TCERG1L: variants seen among roughly 807,000 people sequenced by gnomAD.
TCERG1L encodes the protein transcription elongation regulator 1-like protein.
TCERG1L carries 37 observed loss-of-function variants against 56.3 expected under a neutral mutation model. That is an observed-to-expected ratio of 0.66 (90% CI 0.51 to 0.87). The LOEUF (loss-of-function observed/expected upper bound fraction) is 0.87. Among genes scored for constraint, TCERG1L ranks in the 40% least tolerant of loss-of-function variants. The probability of loss-of-function intolerance (pLI) is 0.00; values close to 1 mark genes in which losing one functional copy is unlikely to be tolerated. For missense variants in TCERG1L, 799 were observed against 774.2 expected, an observed-to-expected ratio of 1.03 and a Z score of -0.38; for synonymous variants, 324 against 326.3, an observed-to-expected ratio of 0.99 and a Z score of 0.08.
intron 10 of TCERG1L, among the ~76,000 whole-genome samples, chr10:131,102,004 T>C (rs994049738): frequency 4.6e-5 from 7 of 152,310 alleles, no homozygotes; most frequent in Non-Finnish European, 1.0e-4. Context: ...GCCCAGCCCA[T>C]AGCTGAAATT....
At chr10:131,124,553 A>T (rs2133395964) in intron 8 of TCERG1L, among the ~76,000 whole-genome samples, 1 of 152,322 alleles carries the variant, frequency 6.6e-6, no homozygotes, top group Middle Eastern at 3.4e-3. Context: ...ACTTTTTGCA[A>T]GTGTGCTACG....
chr10:131,119,855 G>C (rs7089426), intron 8 of TCERG1L, among the ~76,000 whole-genome samples: 20,578 of 152,260 alleles, frequency 0.14, 1,763 homozygotes, highest in East Asian at 0.37. Context: ...GAGCCAGGGA[G>C]GTAGCCTTAC....
chr10:131,217,612 C>G (rs1377771733), intron 4 of TCERG1L, among the ~76,000 whole-genome samples: 2 of 151,838 alleles, frequency 1.3e-5, no homozygotes, highest in Non-Finnish European at 2.9e-5. Context: ...TGCCCAGAAA[C>G]CAGGACGGTG....
intron 3 of TCERG1L, among the ~76,000 whole-genome samples, chr10:131,295,956 AT>A (rs200390187): frequency 9.9e-4 from 149 of 150,252 alleles, no homozygotes; most frequent in South Asian, 3.6e-3. Flanking sequence ...TTTCTGTTGG[AT>A]TTTTTTTTCT....
intron 6 of TCERG1L, among the ~76,000 whole-genome samples, chr10:131,154,011 A>G (rs897894503): frequency 7.2e-5 from 11 of 152,134 alleles, no homozygotes; most frequent in African/African-American, 2.7e-4. Context: ...GTTGGCTTCC[A>G]CTGGACGGGG....
chr10:131,257,962 C>G lies in TCERG1L; in HGVS notation c.856+2297G>C, dbSNP rs562676590. On this transcript the variant is annotated intron_variant, in intron 4 of 11. Transcript: ENST00000368642. ...TCTGTAGATAAATTAAAGGTCACAT[C>G]CTTTTATAAAATCAGTTTGAATATA... Among the ~76,000 whole-genome samples, 64 of 152,344 alleles carry G rather than the reference C, an allele frequency of 4.2e-4. No individual in the cohort carries two copies. In the South Asian group the frequency reaches 0.012, roughly 29 times the overall value.
intron 3 of TCERG1L, among the ~76,000 whole-genome samples, chr10:131,302,062 G>A (rs549434867): frequency 3.3e-5 from 5 of 152,148 alleles, no homozygotes; most frequent in East Asian, 1.9e-4. Context: ...TCATTTGATC[G>A]CTTTTTTAAG....
chr10:131,278,090 C>G (rs373552384), intron 3 of TCERG1L, among the ~76,000 whole-genome samples: 7 of 152,028 alleles, frequency 4.6e-5, no homozygotes, highest in South Asian at 2.1e-4. Context: ...CCTGCCTCCC[C>G]CCGGGCCCAC....
At chr10:131,159,052 A>G (rs1013539606) in intron 6 of TCERG1L, among the ~76,000 whole-genome samples, 1 of 152,042 alleles carries the variant, frequency 6.6e-6, no homozygotes, top group African/African-American at 2.4e-5. Flanking sequence ...CGAGCACAAG[A>G]CCTTTCCCTG....
rs1479757416 is a variant in TCERG1L at position 131,311,442 on chromosome 10, G to A, written c.194C>T (p.Ser65Leu). 1.7e-6 allele frequency: 2 copies of A among 1,176,952 alleles called. No individual in the cohort carries two copies. The highest frequency in any genetic ancestry group is 2.1e-6 in the Non-Finnish European group (2 of 954,290). The allele number at this position is 1,176,952 out of a possible 1,614,324, so 72.9% of individuals were successfully genotyped here. The change falls in exon 1 of 12, where the codon TCG becomes TTG. Residue 65 changes from serine to leucine, a missense_variant. Coordinates refer to ENST00000368642, the MANE Select transcript of TCERG1L (RefSeq NM_174937.4). This position sits in a 1 kb window ranked among gnomAD's most constrained non-coding sequence, Gnocchi z 4.0. ...CAGCGGGGCCGCGGGCGGCGGGGCC[G>A]AGGCGAGCAGCACCGGGGGAACCAC... The part of the protein sequence containing the change: ...GVVVPPVLLA[S>L]APPPAAPLLP...
At chr10:131,234,013 A>C (rs1845881334) in intron 4 of TCERG1L, among the ~76,000 whole-genome samples, 1 of 152,072 alleles carries the variant, frequency 6.6e-6, no homozygotes, top group African/African-American at 2.4e-5. Flanking sequence ...TTCCCCTTTG[A>C]CCTTCTGCCA....
intron 4 of TCERG1L, among the ~76,000 whole-genome samples, chr10:131,185,153 G>A (rs1351771948): frequency 6.6e-6 from 1 of 151,564 alleles, no homozygotes; most frequent in Non-Finnish European, 1.5e-5. Context: ...TATAGATGTG[G>A]GTATAATTTT....
intron 4 of TCERG1L, among the ~76,000 whole-genome samples, chr10:131,232,454 G>A (rs940346685): frequency 3.9e-5 from 6 of 152,300 alleles, no homozygotes; most frequent in African/African-American, 9.6e-5. Context: ...ACCCCAGACC[G>A]TACACGCACA....
intron 3 of TCERG1L, among the ~76,000 whole-genome samples, chr10:131,265,070 AT>A (rs751581529): frequency 3.3e-5 from 5 of 152,022 alleles, no homozygotes; most frequent in Admixed American, 6.6e-5. Flanking sequence ...CACCGAGTCC[AT>A]TTTTTTTAAC....
intron 8 of TCERG1L, among the ~76,000 whole-genome samples, chr10:131,117,583 G>A (rs761417955): frequency 4.6e-5 from 7 of 152,168 alleles, no homozygotes; most frequent in Non-Finnish European, 5.9e-5. Context: ...CCAAGGCCCC[G>A]GACACTGTGG....
chr10:131,252,095 T>C (rs985798707), intron 4 of TCERG1L, among the ~76,000 whole-genome samples: 11 of 152,238 alleles, frequency 7.2e-5, no homozygotes, highest in Non-Finnish European at 1.3e-4. Context: ...CAATTCCAGC[T>C]TTTTTAAGGC....
At chr10:131,143,344 G>A (rs529632746) in intron 7 of TCERG1L, among the ~76,000 whole-genome samples, 10 of 152,198 alleles carry the variant, frequency 6.6e-5, no homozygotes, top group African/African-American at 1.9e-4. Context: ...GGTCCTCCTC[G>A]ACCCCTTGGA....
At chr10:131,134,207 G>C (rs10765037) in intron 8 of TCERG1L, among the ~76,000 whole-genome samples, 172 bp downstream of exon 8, 1 of 152,018 alleles carries the variant, frequency 6.6e-6, no homozygotes, top group Admixed American at 6.5e-5. Context: ...TACCTGCTTC[G>C]GCAGGTGCCC....
At chr10:131,100,721 G>A (rs1845296794) in intron 10 of TCERG1L, among the ~76,000 whole-genome samples, 1 of 152,182 alleles carries the variant, frequency 6.6e-6, no homozygotes, top group African/African-American at 2.4e-5. Context: ...TTCACACCAG[G>A]GGCCTTAGCT....
Sources: gnomAD v4.1 joint callset for allele counts (sites outside exome capture counted in the v4.1 genomes callset) on GRCh38, gnomAD v4.1.1 for gene constraint, Gnocchi (gnomAD v3.1) non-coding constraint, MANE v1.5 for transcripts, NCBI Gene and HGNC (gene_info 2026-07-23, HGNC 2026-07-21) for gene names.